The following THG1L variants were observed in gnomAD, a reference collection of about 807,000 sequenced individuals.
The protein encoded by THG1L is tRNA-histidine guanylyltransferase 1 like, also known as probable tRNA(His) guanylyltransferase.
In THG1L, 27 loss-of-function variants were observed where a neutral mutation model predicts 35.2. That is an observed-to-expected ratio of 0.77 (90% CI 0.57 to 1.06). The LOEUF is 1.06. Ranked by LOEUF, THG1L falls within the 50% of genes least tolerant of loss-of-function variation. The probability of loss-of-function intolerance (pLI) is 0.00; values close to 1 mark genes in which losing one functional copy is unlikely to be tolerated. For missense variants in THG1L, 377 were observed against 371.8 expected (o/e 1.01, Z -0.12); for synonymous variants, 135 against 132.4 (o/e 1.02, Z -0.14).
Position 157,739,395 on chromosome 5 carries a change from C to A in THG1L, c.810C>A (p.Thr270=), listed in dbSNP as rs761943634. ...MEGKKMAVTR[T]RTKPVPLHCD... is the part of the protein sequence containing the mutation. ...GAAAAAAGATGGCAGTGACCCGGAC[C>A]AGGACAAAGCCAGTGCCCTTGCACT... Residue 270 remains threonine (T), a synonymous_variant, in exon 6 of 6, where the codon ACC becomes ACA. Coordinates refer to ENST00000231198, the MANE Select transcript of THG1L (RefSeq NM_017872.5). 3 of 1,613,848 alleles carry A rather than the reference C, an allele frequency of 1.9e-6. No homozygotes were observed. The highest frequency in any genetic ancestry group is 1.7e-6 in the Non-Finnish European group (2 of 1,179,892).
Position 157,739,393 on chromosome 5 carries a change from A to G in THG1L, c.808A>G (p.Thr270Ala). The G allele has an allele frequency of 6.2e-7, 1 of 1,614,038 alleles. No individual in the cohort carries two copies. The highest frequency in any genetic ancestry group is 8.5e-7 in the Non-Finnish European group (1 of 1,179,958). ...AGGAAAAAAGATGGCAGTGACCCGG[A>G]CCAGGACAAAGCCAGTGCCCTTGCA... ...MEGKKMAVTR[T>A]RTKPVPLHCD... The change falls in exon 6 of 6, where the codon ACC becomes GCC. Residue 270 changes from threonine to alanine, a missense_variant. By Grantham distance (58) the Thr-to-Ala change is moderately conservative. Transcript: ENST00000231198.
In THG1L at chr5:157,735,942, GA is replaced by G. The variant is rs1167313220; in HGVS notation, c.627+9del. ...GCCCAAGGGAGATTACAGGTATAAA[GA>G]TCTTACTACATTAATACTTAACTGG... On this transcript the variant is annotated intron_variant, in intron 4 of 5. Coordinates refer to ENST00000231198, the MANE Select transcript of THG1L (RefSeq NM_017872.5). 3.2e-6 allele frequency: 5 copies of G among 1,567,748 alleles called. No homozygotes were observed. Among genetic ancestry groups the G allele is most frequent in the Non-Finnish European group, 4.4e-6 (5 of 1,148,934 alleles).
chr5:157,731,695 C>T (rs540298748), intron 1 of THG1L, 64 bp downstream of exon 1: 11 of 1,527,738 alleles, frequency 7.2e-6, no homozygotes, highest in Middle Eastern at 2.3e-4. Context: ...AGCTTCTTCC[C>T]TTGCAAGTCC....
Position 157,731,516 on chromosome 5 carries a change from T to G in THG1L, c.76T>G (p.Leu26Val). ...CATCACTCTGAGACGGTACCTGAGA[T>G]TGGGGGCGACCATGGCAAAAAGCAA... ...ISITLRRYLR[L>V]GATMAKSKFE... Residue 26 changes from leucine to valine, a missense_variant, in exon 1 of 6, where the codon TTG becomes GTG. Leu to Val is a conservative substitution (Grantham distance 32). Transcript: ENST00000231198. The G allele has an allele frequency of 6.2e-7, 1 of 1,612,974 alleles. No individual in the cohort carries two copies. Among genetic ancestry groups the G allele is most frequent in the Non-Finnish European group, 8.5e-7 (1 of 1,179,502 alleles).
At chr5:157,734,513 G>T (rs1417099594) in intron 2 of THG1L, 63 bp from the exon 3 acceptor site, 14 of 1,588,852 alleles carry the variant, frequency 8.8e-6, no homozygotes, top group Non-Finnish European at 1.2e-5. Flanking sequence ...TTATCATGGT[G>T]TTGAACTAAT....
At position 157,739,321 on chromosome 5, in the gene THG1L, G is replaced by C; in HGVS notation, c.736G>C (p.Val246Leu). 6.2e-7 allele frequency: 1 copy of C among 1,612,662 alleles called. No homozygotes were observed. The highest frequency in any genetic ancestry group is 8.5e-7 in the Non-Finnish European group (1 of 1,179,300). Reference sequence around the variant, plus strand: ...GTCACTACTTTATTTTTACCTGTAGGTGGATGAAGTGATGACAAAAGAAAT... The same window carrying C: ...GTCACTACTTTATTTTTACCTGTAGCTGGATGAAGTGATGACAAAAGAAAT... ...RKGTVLIWQK[V>L]DEVMTKEIKL... is the part of the protein sequence containing the mutation. Residue 246 changes from valine (V) to leucine (L), a missense_variant and splice_region_variant, in exon 6 of 6, where the codon GTG becomes CTG. By Grantham distance (32) the Val-to-Leu change is conservative. Coordinates refer to ENST00000231198, the MANE Select transcript of THG1L (RefSeq NM_017872.5).
In THG1L at chr5:157,739,717, CT is replaced by C. The variant is rs1157202263; in HGVS notation, c.*244del. 847 of 369,924 alleles carry C rather than the reference CT, an allele frequency of 2.3e-3. No homozygotes were observed. The highest frequency in any genetic ancestry group is 3.1e-3 in the East Asian group (77 of 24,476). 22.9% of individuals were successfully genotyped at this position (369,924 alleles called of 1,614,324 possible). On this transcript the variant is annotated 3_prime_UTR_variant, in exon 6 of 6. Transcript: ENST00000231198. ...GAACATGGTTCCTTTGGCAGAAGTG[CT>C]TTTTTTTTAATCGCAGTACTATTTT...
intron 4 of THG1L, among the ~76,000 whole-genome samples, chr5:157,736,666 G>C (rs6873264): frequency 0.35 from 52,512 of 152,082 alleles, 9,269 homozygotes; most frequent in East Asian, 0.54. Context: ...GGAAGAGTTC[G>C]TGCTGAGTTT....
intron 2 of THG1L, among the ~76,000 whole-genome samples, chr5:157,734,209 GA>G (rs1760806369): frequency 1.3e-5 from 2 of 152,024 alleles, no homozygotes; most frequent in African/African-American, 4.8e-5. Flanking sequence ...CCAACATGGT[GA>G]AACCCCATCT....
chr5:157,733,774 C>G (rs1760795055), intron 2 of THG1L, among the ~76,000 whole-genome samples: 1 of 151,824 alleles, frequency 6.6e-6, no homozygotes, highest in Non-Finnish European at 1.5e-5. Flanking sequence ...AGGTTTGAGA[C>G]CAGCCTGGGC....
intron 2 of THG1L, among the ~76,000 whole-genome samples, chr5:157,734,239 T>C (rs1009993815): frequency 4.0e-5 from 6 of 151,854 alleles, no homozygotes; most frequent in African/African-American, 1.5e-4. Flanking sequence ...AATACAAAAA[T>C]TAGCTGGGCG....
chr5:157,741,329 C>T lies in THG1L; in HGVS notation c.*1847C>T, dbSNP rs1048316964. ...GCCTCATCCCTCACTAATTGACAACCCATCTGTCGATGCCATTTTTTCCCT... is the reference window on the plus strand; with the variant it reads ...GCCTCATCCCTCACTAATTGACAACTCATCTGTCGATGCCATTTTTTCCCT... On this transcript the variant is annotated 3_prime_UTR_variant, in exon 6 of 6. Transcript: ENST00000231198. The T allele has an allele frequency of 3.3e-5, 5 of 152,168 alleles. No homozygotes were observed. The highest frequency in any genetic ancestry group is 3.3e-4 in the Admixed American group (5 of 15,272). 9.4% of individuals were successfully genotyped at this position (152,168 alleles called of 1,614,324 possible). A position where few individuals can be genotyped will look rare whatever the true frequency, so the allele number is the denominator to read the frequency against.
At chr5:157,738,522 C>T (rs147869506) in intron 5 of THG1L, 3 of 375,506 alleles carry the variant, frequency 8.0e-6, no homozygotes, top group African/African-American at 6.5e-5. Flanking sequence ...CCAATATTTT[C>T]TCTCTGTACC....
chr5:157,735,778 T>G, intron 3 of THG1L, 68 bp from the exon 4 acceptor site: 1 of 1,108,506 alleles, frequency 9.0e-7, no homozygotes, highest in African/African-American at 1.6e-5. Context: ...GCTCTAGTAT[T>G]CCTTGAAGAA....
chr5:157,734,495 C>A, intron 2 of THG1L, 81 bp from the exon 3 acceptor site: 1 of 1,540,834 alleles, frequency 6.5e-7, no homozygotes, highest in Non-Finnish European at 8.9e-7. Flanking sequence ...CTGTGGTACC[C>A]ACAGGTCTTA....
At chr5:157,735,160 A>C (rs1760837895) in intron 3 of THG1L, among the ~76,000 whole-genome samples, 1 of 150,588 alleles carries the variant, frequency 6.6e-6, no homozygotes, top group Non-Finnish European at 1.5e-5. Flanking sequence ...CTGGTCTTGA[A>C]CTCCTGACCT....
chr5:157,732,958 A>G lies in THG1L; in HGVS notation c.282A>G (p.Leu94=). 1.2e-6 allele frequency: 2 copies of G among 1,614,216 alleles called. No individual in the cohort carries two copies. The highest frequency in any genetic ancestry group is 2.2e-5 in the South Asian group (2 of 91,084). ...GTGCGCAGACTGTGATGGAAGAACT[A>G]GAGGATATTGTGATCGCGTATGGAC... The part of the protein sequence containing the change: ...TKCAQTVMEE[L]EDIVIAYGQS... Residue 94 remains leucine, a synonymous_variant, in exon 2 of 6, where the codon CTA becomes CTG. Coordinates refer to ENST00000231198, the MANE Select transcript of THG1L (RefSeq NM_017872.5).
chr5:157,731,803 C>T (rs1466525221), intron 1 of THG1L, among the ~76,000 whole-genome samples, 172 bp downstream of exon 1: 1 of 152,244 alleles, frequency 6.6e-6, no homozygotes, highest in Non-Finnish European at 1.5e-5. Flanking sequence ...TAGGACAGTG[C>T]CTGAACGCTG....
In THG1L at chr5:157,739,338, A is replaced by C. The variant is rs2113051551; in HGVS notation, c.753A>C (p.Thr251=). The C allele has an allele frequency of 2.5e-6, 4 of 1,613,358 alleles. No homozygotes were observed. The highest frequency in any genetic ancestry group is 1.3e-5 in the African/African-American group (1 of 75,028). The change falls in exon 6 of 6, where the codon ACA becomes ACC. Residue 251 remains threonine (T), a synonymous_variant. Coordinates refer to ENST00000231198, the MANE Select transcript of THG1L (RefSeq NM_017872.5). ...LIWQKVDEVM[T]KEIKLPTEME... ...ACCTGTAGGTGGATGAAGTGATGACAAAAGAAATTAAGCTGCCAACAGAAA... is the reference window on the plus strand; with the variant it reads ...ACCTGTAGGTGGATGAAGTGATGACCAAAGAAATTAAGCTGCCAACAGAAA...
Sources: allele counts gnomAD v4.1 joint callset (sites outside exome capture counted in the v4.1 genomes callset), GRCh38; gene constraint gnomAD v4.1.1; transcripts MANE v1.5; gene names NCBI Gene and HGNC (gene_info 2026-07-23, HGNC 2026-07-21).